The following EEIG2 variants were observed in gnomAD, a reference collection of about 807,000 sequenced individuals.
The protein encoded by EEIG2 is EEIG family member 2, also known as family with sequence similarity 102 member B.
At chr1:108,603,332 T>C in the EEIG2 span, among the ~76,000 whole-genome samples, 122,729 of 152,136 alleles carry the variant, frequency 0.81, 51,844 homozygotes, top group Non-Finnish European at 0.93. Context: ...GAACAAAAAC[T>C]GAAATCTGGG....
the EEIG2 span, chr1:108,628,256 G>C: frequency 6.2e-7 from 1 of 1,614,188 alleles, no homozygotes. Context: ...GCAGTCAAAA[G>C]TATCAGGTAG....
At chr1:108,629,900 A>C in the EEIG2 span, 1 of 495,786 alleles carries the variant, frequency 2.0e-6, no homozygotes, top group South Asian at 2.0e-5. Context: ...AAAGGGTATT[A>C]GTCAAGGACC....
chr1:108,564,761 G>T, the EEIG2 span, among the ~76,000 whole-genome samples: 1 of 151,964 alleles, frequency 6.6e-6, no homozygotes, highest in East Asian at 1.9e-4. Context: ...TGGGCAACAT[G>T]GCAAAACCCC....
the EEIG2 span, among the ~76,000 whole-genome samples, chr1:108,605,069 A>C: frequency 1.1e-4 from 16 of 152,058 alleles, no homozygotes; most frequent in African/African-American, 3.6e-4. Flanking sequence ...TAAAAAATGA[A>C]AAAGAACTAT....
chr1:108,618,180 T>C, the EEIG2 span, among the ~76,000 whole-genome samples: 1 of 152,204 alleles, frequency 6.6e-6, no homozygotes, highest in African/African-American at 2.4e-5. Context: ...GAAAAACTGA[T>C]GATCCAGAAA....
At chr1:108,592,017 A>G in the EEIG2 span, among the ~76,000 whole-genome samples, 2 of 152,226 alleles carry the variant, frequency 1.3e-5, no homozygotes, top group Non-Finnish European at 2.9e-5. Context: ...ACCTAATCCT[A>G]TAAGAGGAAG....
At chr1:108,616,531 C>T in the EEIG2 span, 1 of 756,196 alleles carries the variant, frequency 1.3e-6, no homozygotes, top group African/African-American at 1.8e-5. Context: ...TAAGAAAATA[C>T]CAGTTAAGGG....
At chr1:108,595,972 A>G in the EEIG2 span, among the ~76,000 whole-genome samples, 2 of 152,118 alleles carry the variant, frequency 1.3e-5, no homozygotes, top group South Asian at 2.1e-4. Flanking sequence ...AGAGTGGAGG[A>G]AGCCAACATT....
At chr1:108,568,048 C>T in the EEIG2 span, among the ~76,000 whole-genome samples, 2 of 150,900 alleles carry the variant, frequency 1.3e-5, no homozygotes, top group East Asian at 3.9e-4. Context: ...ACTCATGCCA[C>T]TTTTTTTTTC....
the EEIG2 span, among the ~76,000 whole-genome samples, chr1:108,584,686 A>C: frequency 6.6e-6 from 1 of 152,144 alleles, no homozygotes; most frequent in African/African-American, 2.4e-5. Context: ...TTAACATTTT[A>C]TCTGCTATTT....
the EEIG2 span, among the ~76,000 whole-genome samples, chr1:108,569,268 C>T: frequency 6.6e-6 from 1 of 152,276 alleles, no homozygotes; most frequent in Admixed American, 6.5e-5. Context: ...ATGACCTCAT[C>T]CATTTGTCAG....
the EEIG2 span, among the ~76,000 whole-genome samples, chr1:108,596,232 C>T: frequency 1.3e-5 from 2 of 150,758 alleles, no homozygotes; most frequent in African/African-American, 2.4e-5. Flanking sequence ...TACTTCTGTT[C>T]CCATTTTTAG....
chr1:108,615,208 T>A, the EEIG2 span, among the ~76,000 whole-genome samples: 5 of 152,192 alleles, frequency 3.3e-5, no homozygotes, highest in African/African-American at 7.2e-5. Flanking sequence ...ACTAGTTATC[T>A]GGTTTTTAAA....
the EEIG2 span, among the ~76,000 whole-genome samples, chr1:108,608,194 T>A: frequency 1.3e-5 from 2 of 152,212 alleles, no homozygotes; most frequent in Non-Finnish European, 2.9e-5. Flanking sequence ...ATGTTTTTCC[T>A]GCCATGCTTA....
At chr1:108,581,481 A>G in the EEIG2 span, among the ~76,000 whole-genome samples, 3 of 152,326 alleles carry the variant, frequency 2.0e-5, no homozygotes, top group African/African-American at 7.2e-5. Flanking sequence ...GAAAAGATTT[A>G]CCATTCTAGA....
At chr1:108,618,211 C>T in the EEIG2 span, among the ~76,000 whole-genome samples, 3 of 152,150 alleles carry the variant, frequency 2.0e-5, no homozygotes, top group African/African-American at 4.8e-5. Flanking sequence ...GCTAGAACAG[C>T]GCCCTTGGAT....
chr1:108,599,441 G>T, the EEIG2 span, among the ~76,000 whole-genome samples: 1 of 151,904 alleles, frequency 6.6e-6, no homozygotes, highest in African/African-American at 2.4e-5. Context: ...TGTTATCTTT[G>T]TCTCTTTCCT....
the EEIG2 span, chr1:108,631,179 A>G: frequency 2.7e-6 from 1 of 376,350 alleles, no homozygotes; most frequent in Non-Finnish European, 5.3e-6. Flanking sequence ...TTTGTAGGTA[A>G]GGATGCAAGT....
the EEIG2 span, among the ~76,000 whole-genome samples, chr1:108,574,576 C>A: frequency 6.6e-6 from 1 of 152,126 alleles, no homozygotes; most frequent in Non-Finnish European, 1.5e-5. Flanking sequence ...CATGGTGAAA[C>A]CCCGTGTTTA....
Sources: gnomAD v4.1 joint callset for allele counts (sites outside exome capture counted in the v4.1 genomes callset) on GRCh38, gnomAD v4.1.1 for gene constraint, MANE v1.5 for transcripts, NCBI Gene and HGNC (gene_info 2026-07-23, HGNC 2026-07-21) for gene names.